The following GNAQ variants were observed in gnomAD, a reference collection of about 807,000 sequenced individuals.
GNAQ encodes the protein G protein subunit alpha q.
Under a neutral mutation model 43.9 loss-of-function variants are expected in GNAQ, and 8 were observed. The observed-to-expected ratio is 0.18, with a 90% CI of 0.11 to 0.33. The LOEUF (loss-of-function observed/expected upper bound fraction) is 0.33. Among genes scored for constraint, GNAQ ranks in the 10% least tolerant of loss-of-function variants. The pLI, the probability that GNAQ is intolerant of heterozygous loss-of-function variation, is 1.00. For synonymous variants in GNAQ, 155 were observed against 170.7 expected (o/e 0.91, Z 0.71); for missense variants, 158 against 450.8 (o/e 0.35, Z 5.88).
intron 2 of GNAQ, among the ~76,000 whole-genome samples, chr9:77,906,107 T>C (rs1315988386): frequency 6.6e-6 from 1 of 152,026 alleles, no homozygotes; most frequent in African/African-American, 2.4e-5. Context: ...AAAAAAATAA[T>C]TTCTAAATAA....
intron 1 of GNAQ, among the ~76,000 whole-genome samples, chr9:78,002,180 G>A (rs188149081): frequency 1.1e-3 from 164 of 152,216 alleles, no homozygotes; most frequent in African/African-American, 3.4e-3. Context: ...ATCAGAGGAA[G>A]ACATATTTCC....
At chr9:77,913,877 G>C (rs1828850805) in intron 2 of GNAQ, among the ~76,000 whole-genome samples, 1 of 152,084 alleles carries the variant, frequency 6.6e-6, no homozygotes, top group African/African-American at 2.4e-5. Flanking sequence ...GATGTTGTGT[G>C]CACTCTTCTG....
chr9:78,016,852 T>C (rs1424781197), intron 1 of GNAQ, among the ~76,000 whole-genome samples: 4 of 152,196 alleles, frequency 2.6e-5, no homozygotes, highest in African/African-American at 9.7e-5. Flanking sequence ...TGAATACTGA[T>C]TCAATAAAAT....
chr9:77,863,001 A>G (rs756355576), intron 2 of GNAQ, among the ~76,000 whole-genome samples: 3 of 152,166 alleles, frequency 2.0e-5, no homozygotes, highest in Non-Finnish European at 4.4e-5. Flanking sequence ...CAACATGGAG[A>G]AACCCTGTCT....
chr9:77,723,509 G>A (rs1039855361), intron 6 of GNAQ, among the ~76,000 whole-genome samples: 5 of 152,184 alleles, frequency 3.3e-5, no homozygotes, highest in South Asian at 2.1e-4. Context: ...GCTAAAAGGC[G>A]AAAACAATCC....
chr9:77,820,239 T>C (rs1215855189), intron 2 of GNAQ, among the ~76,000 whole-genome samples: 1 of 152,066 alleles, frequency 6.6e-6, no homozygotes, highest in African/African-American at 2.4e-5. Flanking sequence ...GGATAATAGA[T>C]CTCTGAGTTC....
intron 1 of GNAQ, among the ~76,000 whole-genome samples, chr9:77,926,731 T>C (rs1020427359): frequency 6.6e-6 from 1 of 152,166 alleles, no homozygotes; most frequent in Non-Finnish European, 1.5e-5. Context: ...CCTATATAAA[T>C]ATGACTTGAA....
At chr9:77,821,766 T>C (rs145234135) in intron 2 of GNAQ, among the ~76,000 whole-genome samples, 1 of 151,862 alleles carries the variant, frequency 6.6e-6, no homozygotes, top group East Asian at 1.9e-4. Context: ...TGTATGTATG[T>C]ATGCATTATT....
rs74856747 is a variant in GNAQ at position 77,842,461 on chromosome 9, T to C, written c.322-26691A>G. Among the ~76,000 whole-genome samples the C allele has an allele frequency of 2.0e-3, 310 of 152,312 alleles. 1 individual carries two copies. The highest frequency in any genetic ancestry group is 3.6e-3 in the Non-Finnish European group (242 of 68,022). ...TTCAGACATGCTATTGGGTGGAATG[T>C]AGGGGGAACCTCAATATTTAGGAAT... On this transcript the variant is annotated intron_variant, in intron 2 of 6. Coordinates refer to ENST00000286548, the MANE Select transcript of GNAQ (RefSeq NM_002072.5).
intron 1 of GNAQ, among the ~76,000 whole-genome samples, chr9:77,980,006 A>G (rs78329325): frequency 1.3e-3 from 196 of 152,370 alleles, no homozygotes; most frequent in Non-Finnish European, 2.4e-3. Context: ...AAATTAATTT[A>G]TGAAAATAGA....
intron 1 of GNAQ, among the ~76,000 whole-genome samples, chr9:77,957,468 C>A (rs897505677): frequency 6.6e-6 from 1 of 152,154 alleles, no homozygotes; most frequent in African/African-American, 2.4e-5. Flanking sequence ...GCATTCATTA[C>A]GTAACTTTGC....
Position 77,829,708 on chromosome 9 carries a change from A to G in GNAQ, c.322-13938T>C, listed in dbSNP as rs556720413. Among the ~76,000 whole-genome samples the G allele has an allele frequency of 3.3e-5, 5 of 152,288 alleles. No individual in the cohort carries two copies. In the East Asian group the frequency reaches 9.7e-4, roughly 29 times the overall value. ...TGGTCCACCCACAAGCAGCTTCTGC[A>G]TCGCCTTAGAGCTTATAAGAAATGC... On this transcript the variant is annotated intron_variant, in intron 2 of 6. Coordinates refer to ENST00000286548, the MANE Select transcript of GNAQ (RefSeq NM_002072.5).
Position 77,717,168 on chromosome 9 carries a change from A to G in GNAQ, c.*4155T>C, listed in dbSNP as rs1161308696. On this transcript the variant is annotated 3_prime_UTR_variant, in exon 7 of 7. Coordinates refer to ENST00000286548, the MANE Select transcript of GNAQ (RefSeq NM_002072.5). ...ATATGTAGAGATAGATAAACATACA[A>G]TATTACTAGTTTTATTTTTTTGTGT... 9 of 232,038 alleles carry G rather than the reference A, an allele frequency of 3.9e-5. No homozygotes were observed. The highest frequency in any genetic ancestry group is 6.1e-5 in the East Asian group (1 of 16,356). The allele number at this position is 232,038 out of a possible 1,614,324, so 14.4% of individuals were successfully genotyped here. A position where few individuals can be genotyped will look rare whatever the true frequency, so the allele number is the denominator to read the frequency against.
At chr9:77,784,571 T>C (rs973455313) in intron 5 of GNAQ, among the ~76,000 whole-genome samples, 2 of 152,200 alleles carry the variant, frequency 1.3e-5, no homozygotes, top group African/African-American at 4.8e-5. Flanking sequence ...AAATATCCAC[T>C]TATAAAATAT....
intron 2 of GNAQ, among the ~76,000 whole-genome samples, chr9:77,870,547 C>G (rs972874909): frequency 6.6e-6 from 1 of 151,618 alleles, no homozygotes; most frequent in African/African-American, 2.4e-5. Flanking sequence ...AGGATGGTCT[C>G]GATCTCCTGG....
At chr9:77,825,476 A>T (rs1827179622) in intron 2 of GNAQ, among the ~76,000 whole-genome samples, 1 of 152,132 alleles carries the variant, frequency 6.6e-6, no homozygotes. Flanking sequence ...GCAGACGGTA[A>T]AGGCAGCAGC....
chr9:77,727,223 G>T (rs1341514539), intron 6 of GNAQ, among the ~76,000 whole-genome samples: 6 of 151,184 alleles, frequency 4.0e-5, no homozygotes, highest in Non-Finnish European at 7.4e-5. Context: ...TCGTTACATT[G>T]CCCAGGCTGG....
intron 1 of GNAQ, among the ~76,000 whole-genome samples, chr9:78,000,953 A>G (rs1823636223): frequency 6.6e-6 from 1 of 152,224 alleles, no homozygotes; most frequent in Admixed American, 6.5e-5. Context: ...AAAATCAAAA[A>G]CATAACTTTG....
chr9:77,957,892 T>A (rs1823062209), intron 1 of GNAQ, among the ~76,000 whole-genome samples: 2 of 152,184 alleles, frequency 1.3e-5, no homozygotes, highest in South Asian at 4.1e-4. Context: ...ATGTGGTATG[T>A]CTATCTCCTG....
Sources: gnomAD v4.1 joint callset for allele counts (sites outside exome capture counted in the v4.1 genomes callset) on GRCh38, gnomAD v4.1.1 for gene constraint, MANE v1.5 for transcripts, NCBI Gene and HGNC (gene_info 2026-07-23, HGNC 2026-07-21) for gene names.